The following YEATS2 variants were observed in gnomAD, a reference collection of about 807,000 sequenced individuals.
YEATS2 encodes the protein YEATS domain-containing protein 2.
YEATS2 carries 77 observed loss-of-function variants against 163.2 expected under a neutral mutation model. The ratio of observed to expected loss-of-function variants is 0.47; its 90% CI spans 0.39 to 0.57. The LOEUF (loss-of-function observed/expected upper bound fraction) is 0.57, where lower values mean the gene tolerates loss of function less well. YEATS2 is among the 20% of genes least tolerant of loss of function. The pLI, the probability that YEATS2 is intolerant of heterozygous loss-of-function variation, is 0.00. For synonymous variants in YEATS2, 631 were observed against 645.1 expected (o/e 0.98, Z 0.33); for missense variants, 1,549 against 1,729.8 (o/e 0.90, Z 1.85).
intron 15 of YEATS2, among the ~76,000 whole-genome samples, chr3:183,767,957 T>C (rs180998071): frequency 1.3e-5 from 2 of 152,336 alleles, no homozygotes; most frequent in East Asian, 3.9e-4. Context: ...AAAATGTGTG[T>C]ATTGTTTTCC....
intron 15 of YEATS2, among the ~76,000 whole-genome samples, chr3:183,762,481 T>A (rs1257961652): frequency 6.6e-6 from 1 of 152,172 alleles, no homozygotes; most frequent in Non-Finnish European, 1.5e-5. Flanking sequence ...CCGCGTTATG[T>A]ATTGCAAAGG....
rs958959352 is a variant in YEATS2, at chr3:183,777,818, T to G, written c.2736+118T>G. 6.5e-6 allele frequency: 9 copies of G among 1,374,782 alleles called. No individual in the cohort carries two copies. In the South Asian group the frequency reaches 1.2e-4, roughly 18 times the overall value. The allele number at this position is 1,374,782 out of a possible 1,614,324, so 85.2% of individuals were successfully genotyped here. A position where few individuals can be genotyped will look rare whatever the true frequency, so the allele number is the denominator to read the frequency against. On this transcript the variant is annotated intron_variant, in intron 19 of 30. Coordinates refer to ENST00000305135, the MANE Select transcript of YEATS2 (RefSeq NM_018023.5). The stretch of plus-strand genomic sequence containing the variant: ...TAAGGTTACATAAGAAAATGAACAA[T>G]AAGGCCAGGAGTGGTCGCTCACGTC...
intron 27 of YEATS2, among the ~76,000 whole-genome samples, chr3:183,804,877 T>A (rs1041832211): frequency 6.6e-5 from 10 of 151,816 alleles, no homozygotes; most frequent in African/African-American, 1.9e-4. Flanking sequence ...TGGTCCCAGC[T>A]ACTTGGGAGG....
At chr3:183,747,341 A>T (rs1719654654) in intron 8 of YEATS2, among the ~76,000 whole-genome samples, 1 of 152,024 alleles carries the variant, frequency 6.6e-6, no homozygotes, top group Admixed American at 6.6e-5. Context: ...ACATTCCTTT[A>T]TTCTGGATTT....
At chr3:183,785,404 A>ACTTGAACC (rs935125857) in intron 19 of YEATS2, among the ~76,000 whole-genome samples, 2 of 147,996 alleles carry the variant, frequency 1.4e-5, no homozygotes, top group Non-Finnish European at 3.0e-5. Flanking sequence ...CAGGAGAATC[A>ACTTGAACC]CTTGAACCCG....
At chr3:183,809,433 G>A in intron 30 of YEATS2, 1 of 325,950 alleles carries the variant, frequency 3.1e-6, no homozygotes, top group Non-Finnish European at 5.6e-6. Flanking sequence ...TTTATTACAG[G>A]GTTGAATAAA....
At chr3:183,714,492 G>T (rs112759747) in intron 1 of YEATS2, among the ~76,000 whole-genome samples, 4 of 151,740 alleles carry the variant, frequency 2.6e-5, no homozygotes, top group Non-Finnish European at 5.9e-5. Flanking sequence ...CACCGTGCCC[G>T]GCCGGGATTT....
intron 11 of YEATS2, among the ~76,000 whole-genome samples, chr3:183,755,863 C>T (rs1335356749): frequency 1.3e-5 from 2 of 150,444 alleles, no homozygotes; most frequent in African/African-American, 4.9e-5. Flanking sequence ...TCTCCTGCCT[C>T]AGCCTCTCGA....
At chr3:183,698,142 G>C (rs1713674071) in intron 1 of YEATS2, 149 bp downstream of exon 1, 3 of 152,076 alleles carry the variant, frequency 2.0e-5, no homozygotes, top group African/African-American at 7.2e-5. Flanking sequence ...CCCCGGGGCC[G>C]AGGGGAGGGC....
At chr3:183,773,981 C>A (rs1407451372) in intron 17 of YEATS2, among the ~76,000 whole-genome samples, 187 bp downstream of exon 17, 24 of 152,164 alleles carry the variant, frequency 1.6e-4, no homozygotes, top group Admixed American at 1.6e-3. Flanking sequence ...GGGTTTGCTC[C>A]TCAGCGTTTG....
chr3:183,719,768 CCACATAGCCTCCACCTT>C (rs1195260471), intron 4 of YEATS2, among the ~76,000 whole-genome samples: 7 of 152,154 alleles, frequency 4.6e-5, no homozygotes, highest in Middle Eastern at 3.4e-3. Context: ...GCCTCCAACT[CCACATAGCCTCCACCTT>C]CACATAGCCT....
At chr3:183,759,000 C>T (rs771375758) in intron 13 of YEATS2, 35 bp downstream of exon 13, 49 of 1,330,580 alleles carry the variant, frequency 3.7e-5, no homozygotes, top group Non-Finnish European at 5.1e-5. Flanking sequence ...ACTTTGCTAG[C>T]TTCTTTTTCT....
At chr3:183,791,334 T>C (rs1724611686) in intron 21 of YEATS2, among the ~76,000 whole-genome samples, 1 of 152,218 alleles carries the variant, frequency 6.6e-6, no homozygotes, top group Non-Finnish European at 1.5e-5. Flanking sequence ...TGTGCCCAGC[T>C]ATTTTTTTGG....
intron 19 of YEATS2, among the ~76,000 whole-genome samples, chr3:183,780,960 A>G (rs1020963893): frequency 6.6e-6 from 1 of 152,216 alleles, no homozygotes; most frequent in Admixed American, 6.5e-5. Flanking sequence ...TACTCAATAA[A>G]AAAGTCAAAT....
chr3:183,703,074 A>G (rs1173341006), intron 1 of YEATS2, among the ~76,000 whole-genome samples: 2 of 152,148 alleles, frequency 1.3e-5, no homozygotes, highest in African/African-American at 2.4e-5. Flanking sequence ...TTTGACCTGG[A>G]AATATATAAG....
chr3:183,730,949 C>T (rs964651033), intron 7 of YEATS2, among the ~76,000 whole-genome samples: 19 of 151,970 alleles, frequency 1.3e-4, no homozygotes, highest in African/African-American at 4.6e-4. Flanking sequence ...TAGAAGTCTC[C>T]GTGAAGTCAA....
At chr3:183,781,963 C>T (rs1723605726) in intron 19 of YEATS2, among the ~76,000 whole-genome samples, 1 of 151,798 alleles carries the variant, frequency 6.6e-6, no homozygotes, top group Non-Finnish European at 1.5e-5. Flanking sequence ...CATAGATTAG[C>T]TTTTGTCTTT....
Position 183,762,915 on chromosome 3 carries a change from G to A in YEATS2, c.1947+636G>A, listed in dbSNP as rs572762184. Among the ~76,000 whole-genome samples, 141 of 152,142 alleles carry A rather than the reference G, an allele frequency of 9.3e-4. 1 individual carries two copies. Among genetic ancestry groups the A allele is most frequent in the African/African-American group, 3.2e-3 (131 of 41,512 alleles). Reference sequence around the variant, plus strand: ...AAAAATACAATATTAGCGGGGTGTGGTGGCACATGCCTGTAATCCCAGCTA... The same window carrying A: ...AAAAATACAATATTAGCGGGGTGTGATGGCACATGCCTGTAATCCCAGCTA... On this transcript the variant is annotated intron_variant, in intron 15 of 30. Coordinates refer to ENST00000305135, the MANE Select transcript of YEATS2 (RefSeq NM_018023.5).
chr3:183,751,192 T>C (rs148953887), intron 9 of YEATS2, among the ~76,000 whole-genome samples: 1 of 152,370 alleles, frequency 6.6e-6, no homozygotes. Context: ...CACCATTTGC[T>C]GAAAATACTG....
Sources: allele counts gnomAD v4.1 joint callset (sites outside exome capture counted in the v4.1 genomes callset), GRCh38; gene constraint gnomAD v4.1.1; transcripts MANE v1.5; gene names NCBI Gene and HGNC (gene_info 2026-07-23, HGNC 2026-07-21).